The following CMSS1 variants were observed in gnomAD, a reference collection of about 807,000 sequenced individuals.
CMSS1 encodes cms1 ribosomal small subunit homolog, also known as protein CMSS1.
CMSS1 carries 33 observed loss-of-function variants against 43.5 expected under a neutral mutation model. That is an observed-to-expected ratio of 0.76 (90% confidence interval 0.57 to 1.01). CMSS1 has a LOEUF of 1.01. Among genes scored for constraint, CMSS1 ranks in the 50% least tolerant of loss-of-function variants. CMSS1 has a pLI of 0.00. For missense variants in CMSS1, 313 were observed against 326.4 expected (o/e 0.96, Z 0.32); for synonymous variants, 115 against 117.2 (o/e 0.98, Z 0.12).
chr3:100,174,605 A>G (rs1408423892), intron 8 of CMSS1, among the ~76,000 whole-genome samples: 1 of 152,212 alleles, frequency 6.6e-6, no homozygotes, highest in Non-Finnish European at 1.5e-5. Context: ...AACCACAGGT[A>G]TTTGCCTACA....
intron 2 of CMSS1, among the ~76,000 whole-genome samples, chr3:100,158,927 C>T (rs1310673701): frequency 6.6e-6 from 1 of 152,192 alleles, no homozygotes; most frequent in African/African-American, 2.4e-5. Context: ...TTTCTAAATA[C>T]GCTTCCCAAA....
intron 2 of CMSS1, among the ~76,000 whole-genome samples, chr3:100,151,341 C>T (rs1286486986): frequency 6.6e-6 from 1 of 152,200 alleles, no homozygotes; most frequent in African/African-American, 2.4e-5. Flanking sequence ...ACAGACATGG[C>T]TTAACTCAGT....
At chr3:99,991,969 TAC>T (rs1226159262) in intron 1 of CMSS1, among the ~76,000 whole-genome samples, 19 of 149,246 alleles carry the variant, frequency 1.3e-4, no homozygotes, top group African/African-American at 4.7e-4. Flanking sequence ...TGTGTATATA[TAC>T]ACACATATAT....
chr3:99,943,219 A>C (rs1373286276), intron 1 of CMSS1, among the ~76,000 whole-genome samples: 1 of 152,190 alleles, frequency 6.6e-6, no homozygotes, highest in East Asian at 1.9e-4. Flanking sequence ...CAAAAGAACC[A>C]ATTATGACAT....
At chr3:99,825,491 T>C (rs1942519423) in intron 1 of CMSS1, among the ~76,000 whole-genome samples, 1 of 152,210 alleles carries the variant, frequency 6.6e-6, no homozygotes, top group Admixed American at 6.5e-5. Context: ...ATAACCTTCA[T>C]GGTCTGGTTT....
rs1943142745 is a variant in CMSS1, at chr3:99,841,777, A to G, written c.64+23734A>G. Among the ~76,000 whole-genome samples, 3 of 152,212 alleles carry G rather than the reference A, an allele frequency of 2.0e-5. No homozygotes were observed. In the South Asian group the frequency reaches 6.2e-4, roughly 32 times the overall value. On this transcript the variant is annotated intron_variant, in intron 1 of 9. Coordinates refer to ENST00000421999, the MANE Select transcript of CMSS1 (RefSeq NM_032359.4). ...TCAGGGAAATGCAAATCAAAACCAC[A>G]GTGCAATACCACCTTACTCCTGCAA...
At chr3:99,972,491 TATA>T (rs560895456) in intron 1 of CMSS1, among the ~76,000 whole-genome samples, 50 of 152,184 alleles carry the variant, frequency 3.3e-4, no homozygotes, top group Non-Finnish European at 4.7e-4. Context: ...CATTAGTTAT[TATA>T]ATAATAACAG....
chr3:100,114,087 G>A (rs1033526393), intron 1 of CMSS1: 2 of 152,046 alleles, frequency 1.3e-5, no homozygotes, highest in African/African-American at 4.8e-5. Context: ...ATCACACCTG[G>A]TAATTCCTTC....
At chr3:100,139,529 ATGTGTG>A (rs201315535) in intron 1 of CMSS1, among the ~76,000 whole-genome samples, 4,134 of 129,296 alleles carry the variant, frequency 0.032, 74 homozygotes, top group East Asian at 0.042. Context: ...TAAAAAAAAA[ATGTGTG>A]TGTGTGTGTG....
intron 1 of CMSS1, among the ~76,000 whole-genome samples, chr3:100,127,417 G>T (rs1045051106): frequency 6.6e-6 from 1 of 152,150 alleles, no homozygotes; most frequent in Non-Finnish European, 1.5e-5. Context: ...TCCCAGGATG[G>T]CTCTAAAACC....
chr3:99,969,100 A>T (rs1708739544), intron 1 of CMSS1, among the ~76,000 whole-genome samples: 1 of 152,158 alleles, frequency 6.6e-6, no homozygotes, highest in African/African-American at 2.4e-5. Flanking sequence ...GGGAGTGCTG[A>T]AAAGGGGGGC....
chr3:100,036,103 G>C (rs989849147), intron 1 of CMSS1, among the ~76,000 whole-genome samples: 1 of 152,110 alleles, frequency 6.6e-6, no homozygotes, highest in Non-Finnish European at 1.5e-5. Flanking sequence ...TAATATAAAA[G>C]GAATTATGGT....
intron 1 of CMSS1, among the ~76,000 whole-genome samples, chr3:100,133,131 A>G (rs920469031): frequency 6.6e-6 from 1 of 152,166 alleles, no homozygotes; most frequent in Non-Finnish European, 1.5e-5. Context: ...AATGATGTTT[A>G]TTATACTATA....
At chr3:99,929,244 TGGG>T (rs1208939852) in intron 1 of CMSS1, among the ~76,000 whole-genome samples, 7 of 152,230 alleles carry the variant, frequency 4.6e-5, no homozygotes, top group African/African-American at 1.7e-4. Flanking sequence ...GTGGCCCTGT[TGGG>T]ACTGCCCACC....
chr3:100,171,640 T>A (rs1417897216), intron 6 of CMSS1, among the ~76,000 whole-genome samples, 199 bp from the exon 7 acceptor site: 1 of 152,226 alleles, frequency 6.6e-6, no homozygotes, highest in Non-Finnish European at 1.5e-5. Context: ...AACCCAGATA[T>A]GTGCCTGAAT....
intron 1 of CMSS1, among the ~76,000 whole-genome samples, chr3:100,084,264 C>T (rs1043501088): frequency 2.6e-5 from 4 of 152,080 alleles, no homozygotes; most frequent in Admixed American, 2.0e-4. Flanking sequence ...TTAAAAGTCC[C>T]TTTTAGTCTC....
intron 1 of CMSS1, chr3:99,924,417 G>A: frequency 2.5e-6 from 4 of 1,612,968 alleles, no homozygotes; most frequent in Middle Eastern, 1.7e-4. Context: ...AACTACGAAA[G>A]AAAACATTTA....
intron 1 of CMSS1, among the ~76,000 whole-genome samples, chr3:99,876,639 A>T (rs1333887570): frequency 6.6e-6 from 1 of 152,158 alleles, no homozygotes; most frequent in African/African-American, 2.4e-5. Context: ...TCTGGGGGTG[A>T]TTTAGACTTC....
chr3:99,950,206 C>G (rs1472510900), intron 1 of CMSS1, among the ~76,000 whole-genome samples: 1 of 152,124 alleles, frequency 6.6e-6, no homozygotes, highest in Non-Finnish European at 1.5e-5. Context: ...TATATTTTCT[C>G]TTGCCACTTG....
Sources: allele counts gnomAD v4.1 joint callset (sites outside exome capture counted in the v4.1 genomes callset), GRCh38; gene constraint gnomAD v4.1.1; transcripts MANE v1.5; gene names NCBI Gene and HGNC (gene_info 2026-07-23, HGNC 2026-07-21).